SLC5A7: variants seen among roughly 807,000 people sequenced by gnomAD.
SLC5A7 encodes solute carrier family 5 member 7.
A neutral mutation model predicts 55.4 loss-of-function variants in SLC5A7; 19 were observed. The observed-to-expected ratio is 0.34, with a 90% confidence interval of 0.24 to 0.50. The LOEUF is 0.50. SLC5A7 is among the 20% of genes least tolerant of loss of function. The pLI is 0.98. For missense variants in SLC5A7, 506 were observed against 705.3 expected (o/e 0.72, Z 3.20); for synonymous variants, 265 against 263.7 (o/e 1.00, Z -0.05).
Position 108,010,478 on chromosome 2 carries a change from C to T in SLC5A7, c.1360C>T (p.Leu454=), listed in dbSNP as rs868433113. The change falls in exon 9 of 9, where the codon CTG becomes TTG. Residue 454 remains leucine (L), a synonymous_variant. Coordinates refer to ENST00000264047, the MANE Select transcript of SLC5A7 (RefSeq NM_021815.5). ...GAGAATAACTGGAGGGGAGCCATAT[C>T]TGTATCTTCAGCCCTTGATCTTCTA... The part of the protein sequence containing the change: ...FLRITGGEPY[L]YLQPLIFYPG... 2 of 1,613,842 alleles carry T rather than the reference C, an allele frequency of 1.2e-6. No individual in the cohort carries two copies. Among genetic ancestry groups the T allele is most frequent in the Non-Finnish European group, 1.7e-6 (2 of 1,179,924 alleles).
rs1167085857 is a variant in SLC5A7 at position 108,011,236 on chromosome 2, T to G, written c.*375T>G. 2 of 163,492 alleles carry G rather than the reference T, an allele frequency of 1.2e-5. No individual in the cohort carries two copies. Among genetic ancestry groups the G allele is most frequent in the African/African-American group, 2.4e-5 (1 of 41,774 alleles). 10.1% of individuals were successfully genotyped at this position (163,492 alleles called of 1,614,324 possible). ...GGACAGTTTTGATACAAACTTTGTT[T>G]GCTAATGCACTGATGAGTCTAGTTT... On this transcript the variant is annotated 3_prime_UTR_variant, in exon 9 of 9. Coordinates refer to ENST00000264047, the MANE Select transcript of SLC5A7 (RefSeq NM_021815.5).
intron 7 of SLC5A7, among the ~76,000 whole-genome samples, chr2:108,006,873 C>T (rs191306854): frequency 2.6e-5 from 4 of 152,254 alleles, no homozygotes; most frequent in Admixed American, 2.6e-4. Flanking sequence ...TTCTGCTTTA[C>T]ACCTTTAGTA....
At chr2:108,007,474 GTGTGTC>G (rs1187473688) in intron 7 of SLC5A7, among the ~76,000 whole-genome samples, 1 of 32,758 alleles carries the variant, frequency 3.1e-5, no homozygotes, top group Non-Finnish European at 5.0e-5. Context: ...ATGGACGTGT[GTGTGTC>G]TGTGTGTGTG....
At chr2:108,002,749 G>A (rs980308608) in intron 6 of SLC5A7, among the ~76,000 whole-genome samples, 2 of 152,072 alleles carry the variant, frequency 1.3e-5, no homozygotes, top group African/African-American at 4.8e-5. Flanking sequence ...GAGTGTGGTG[G>A]CTCACCCTGG....
chr2:108,002,111 A>C, intron 6 of SLC5A7, 71 bp downstream of exon 6: 2 of 1,546,856 alleles, frequency 1.3e-6, no homozygotes, highest in Admixed American at 1.8e-5. Flanking sequence ...CACGATTTTC[A>C]TATTCATAGT....
chr2:108,007,764 A>G (rs1192613826), intron 7 of SLC5A7, among the ~76,000 whole-genome samples: 1 of 152,212 alleles, frequency 6.6e-6, no homozygotes, highest in Admixed American at 6.5e-5. Flanking sequence ...GCAAATAAAA[A>G]GCCGACTATG....
chr2:107,996,261 A>G (rs1249857178), intron 4 of SLC5A7, among the ~76,000 whole-genome samples: 1 of 152,228 alleles, frequency 6.6e-6, no homozygotes, highest in Non-Finnish European at 1.5e-5. Flanking sequence ...CTATAAAACA[A>G]TAACTCAGTC....
chr2:108,009,468 C>T (rs749426905), intron 8 of SLC5A7, among the ~76,000 whole-genome samples: 1 of 152,040 alleles, frequency 6.6e-6, no homozygotes, highest in Non-Finnish European at 1.5e-5. Flanking sequence ...CACCACCCCC[C>T]ACGCCCCCCA....
intron 5 of SLC5A7, among the ~76,000 whole-genome samples, chr2:107,998,639 A>G (rs1201631990): frequency 6.6e-6 from 1 of 152,212 alleles, no homozygotes; most frequent in African/African-American, 2.4e-5. Context: ...ATAATATTCA[A>G]TACCTAAGAT....
At chr2:108,001,263 G>C (rs915996691) in intron 5 of SLC5A7, among the ~76,000 whole-genome samples, 4 of 152,064 alleles carry the variant, frequency 2.6e-5, no homozygotes, top group Admixed American at 1.3e-4. Context: ...ATGATAGATA[G>C]GTAGGCAGAT....
intron 5 of SLC5A7, among the ~76,000 whole-genome samples, chr2:107,999,482 A>G (rs184842836): frequency 3.3e-5 from 5 of 152,334 alleles, no homozygotes; most frequent in Admixed American, 3.3e-4. Flanking sequence ...ATGCAAGTGT[A>G]AAGATGACAG....
intron 2 of SLC5A7, among the ~76,000 whole-genome samples, chr2:107,991,736 T>C (rs1301062939): frequency 2.0e-5 from 3 of 152,124 alleles, no homozygotes; most frequent in Non-Finnish European, 4.4e-5. Context: ...TATAATATCA[T>C]GAAAATGCTG....
chr2:107,996,207 G>T (rs988826644), intron 4 of SLC5A7, among the ~76,000 whole-genome samples: 4 of 152,132 alleles, frequency 2.6e-5, no homozygotes, highest in Admixed American at 6.5e-5. Flanking sequence ...GTAAAGTTTC[G>T]ATTCGAAGTA....
rs2104387730 is a variant in SLC5A7, at chr2:108,012,527, G to A, written c.*1666G>A. 1 of 152,146 alleles carries A rather than the reference G, an allele frequency of 6.6e-6. No homozygotes were observed. The highest frequency in any genetic ancestry group is 2.1e-4 in the South Asian group (1 of 4,828). 9.4% of individuals were successfully genotyped at this position (152,146 alleles called of 1,614,324 possible). A position where few individuals can be genotyped will look rare whatever the true frequency, so the allele number is the denominator to read the frequency against. On this transcript the variant is annotated 3_prime_UTR_variant, in exon 9 of 9. Transcript: ENST00000264047. ...CTTTATCATTAAACATGAATTTAATGTCTAGGATAATTTTTAAAAGAGGAA... is the reference window on the plus strand; with the variant it reads ...CTTTATCATTAAACATGAATTTAATATCTAGGATAATTTTTAAAAGAGGAA...
chr2:107,992,257 A>T, intron 3 of SLC5A7, 38 bp downstream of exon 3: 1 of 1,208,956 alleles, frequency 8.3e-7, no homozygotes, highest in East Asian at 2.3e-5. Context: ...TCACTCAGTA[A>T]AGTATACAGA....
At position 108,011,312 on chromosome 2, in the gene SLC5A7, G is replaced by A. The variant is rs185447016; in HGVS notation, c.*451G>A. 3.3e-3 allele frequency: 500 copies of A among 153,050 alleles called. 2 individuals carry two copies. Among genetic ancestry groups the A allele is most frequent in the Middle Eastern group, 6.8e-3 (2 of 294 alleles). 9.5% of individuals were successfully genotyped at this position (153,050 alleles called of 1,614,324 possible). A position where few individuals can be genotyped will look rare whatever the true frequency, so the allele number is the denominator to read the frequency against. ...AACTTCAGTCACTCCCTTGAATGGT[G>A]CAATGAATTAACCAGCTGATTTTTC... On this transcript the variant is annotated 3_prime_UTR_variant, in exon 9 of 9. Transcript: ENST00000264047.
At chr2:108,005,320 G>A (rs1678063981) in intron 6 of SLC5A7, among the ~76,000 whole-genome samples, 1 of 152,112 alleles carries the variant, frequency 6.6e-6, no homozygotes, top group African/African-American at 2.4e-5. Context: ...TGATTGGAGT[G>A]TATAAATATT....
In SLC5A7 at chr2:107,997,986, G is replaced by A; in HGVS notation, c.597G>A (p.Leu199=). Residue 199 remains leucine, a splice_region_variant and synonymous_variant, in exon 5 of 9, where the codon CTG becomes CTA. Coordinates refer to ENST00000264047, the MANE Select transcript of SLC5A7 (RefSeq NM_021815.5). ...VVQLFCIFVG[L]WISVPFALSH... is the part of the protein sequence containing the mutation. ...AGCTCTTTTGCATTTTTGTAGGGCT[G>A]GTAAGTGGGAGCACCCAAGATTCTC... The A allele has an allele frequency of 6.2e-7, 1 of 1,608,800 alleles. No individual in the cohort carries two copies. Among genetic ancestry groups the A allele is most frequent in the South Asian group, 1.1e-5 (1 of 89,764 alleles).
intron 2 of SLC5A7, 101 bp downstream of exon 2, chr2:107,988,434 G>C: frequency 2.0e-6 from 2 of 1,003,720 alleles, no homozygotes; most frequent in Non-Finnish European, 1.4e-6. Flanking sequence ...GTTGGTCTTT[G>C]TCCTTTGGGG....
Sources: allele counts gnomAD v4.1 joint callset (sites outside exome capture counted in the v4.1 genomes callset), GRCh38; gene constraint gnomAD v4.1.1; transcripts MANE v1.5; gene names NCBI Gene and HGNC (gene_info 2026-07-23, HGNC 2026-07-21).